PPARGC1A: variants seen among roughly 807,000 people sequenced by gnomAD.
The protein encoded by PPARGC1A is PPARG coactivator 1 alpha, also known as peroxisome proliferator-activated receptor gamma coactivator 1-alpha.
PPARGC1A carries 25 observed loss-of-function variants against 88.7 expected under a neutral mutation model. The observed-to-expected ratio is 0.28, with a 90% CI of 0.21 to 0.39. PPARGC1A has a LOEUF of 0.39. Ranked by LOEUF, PPARGC1A falls within the 10% of genes least tolerant of loss-of-function variation. PPARGC1A has a pLI of 1.00. For synonymous variants in PPARGC1A, 363 were observed against 355.6 expected, an observed-to-expected ratio of 1.02 and a Z score of -0.24; for missense variants, 880 against 968.7, an observed-to-expected ratio of 0.91 and a Z score of 1.22.
the PPARGC1A span, among the ~76,000 whole-genome samples, chr4:24,178,033 G>A: frequency 3.9e-5 from 6 of 152,148 alleles, no homozygotes; most frequent in African/African-American, 4.8e-5. Flanking sequence ...TGCTTAAATC[G>A]CCTCCACAGG....
the PPARGC1A span, among the ~76,000 whole-genome samples, chr4:24,185,451 C>T: frequency 6.6e-6 from 1 of 152,078 alleles, no homozygotes; most frequent in African/African-American, 2.4e-5. Context: ...TAGAAATGCT[C>T]ATCTATAAAA....
the PPARGC1A span, among the ~76,000 whole-genome samples, chr4:24,266,035 CT>C: frequency 6.6e-6 from 1 of 152,174 alleles, no homozygotes; most frequent in South Asian, 2.1e-4. Flanking sequence ...CGTAAAAAGG[CT>C]TTGTACAAGG....
chr4:24,327,665 G>C, the PPARGC1A span, among the ~76,000 whole-genome samples: 73,383 of 150,776 alleles, frequency 0.49, 19,187 homozygotes, highest in Admixed American at 0.65. Context: ...AGCTTAATCT[G>C]TCCCACTCTA....
At chr4:24,317,280 C>T in the PPARGC1A span, among the ~76,000 whole-genome samples, 5 of 152,070 alleles carry the variant, frequency 3.3e-5, no homozygotes, top group Admixed American at 2.0e-4. Flanking sequence ...CCTAGGCAGA[C>T]ATTGATTGAG....
At chr4:24,187,174 C>T in the PPARGC1A span, among the ~76,000 whole-genome samples, 4 of 152,182 alleles carry the variant, frequency 2.6e-5, no homozygotes, top group African/African-American at 7.2e-5. Context: ...ATGATGATGG[C>T]GGCAGTGGTA....
chr4:24,247,654 C>G, the PPARGC1A span, among the ~76,000 whole-genome samples: 1 of 152,132 alleles, frequency 6.6e-6, no homozygotes, highest in South Asian at 2.1e-4. Context: ...GAAACACACT[C>G]GAGGTAGTTG....
At chr4:23,936,893 G>T in the PPARGC1A span, among the ~76,000 whole-genome samples, 1 of 151,972 alleles carries the variant, frequency 6.6e-6, no homozygotes, top group Non-Finnish European at 1.5e-5. Flanking sequence ...GCCTAATCAT[G>T]TGAAAACAAG....
chr4:24,066,744 G>A, the PPARGC1A span, among the ~76,000 whole-genome samples: 29 of 151,796 alleles, frequency 1.9e-4, no homozygotes, highest in Admixed American at 5.2e-4. Context: ...CTCGGGGAGT[G>A]ATTTGCAACC....
chr4:23,962,322 G>C, the PPARGC1A span, among the ~76,000 whole-genome samples: 1 of 152,086 alleles, frequency 6.6e-6, no homozygotes, highest in Non-Finnish European at 1.5e-5. Flanking sequence ...GATCACATTT[G>C]GACCACAGGG....
the PPARGC1A span, among the ~76,000 whole-genome samples, chr4:23,910,357 TTATATATATTATATTATATTATA>T: frequency 9.9e-6 from 1 of 101,504 alleles, no homozygotes; most frequent in African/African-American, 4.3e-5. Flanking sequence ...ATTATATATA[TTATATATATTATATTATATTATA>T]TATATTATAT....
chr4:23,991,255 A>T, the PPARGC1A span, among the ~76,000 whole-genome samples: 3 of 152,100 alleles, frequency 2.0e-5, no homozygotes, highest in Non-Finnish European at 4.4e-5. Flanking sequence ...GTAAAAGTCC[A>T]ATGAAAGTTC....
the PPARGC1A span, among the ~76,000 whole-genome samples, chr4:24,222,622 G>A: frequency 1.3e-5 from 2 of 152,116 alleles, no homozygotes; most frequent in South Asian, 2.1e-4. Flanking sequence ...AAAAGTCCAA[G>A]GTTATACTGT....
Position 23,795,788 on chromosome 4 carries a change from G to A in PPARGC1A, c.*34C>T, listed in dbSNP as rs368490235. ...GGACGCGCTGTCCCATGAGGTATTC[G>A]CCATCCCTCTGTCATCCTCAGCTAG... is the stretch of plus-strand genomic sequence containing the variant. On this transcript the variant is annotated 3_prime_UTR_variant, in exon 13 of 13. Transcript: ENST00000264867. The A allele has an allele frequency of 2.7e-5, 41 of 1,499,846 alleles. No homozygotes were observed. Among genetic ancestry groups the A allele is most frequent in the South Asian group, 2.1e-4 (18 of 85,930 alleles). 92.9% of individuals were successfully genotyped at this position (1,499,846 alleles called of 1,614,324 possible). A position where few individuals can be genotyped will look rare whatever the true frequency, so the allele number is the denominator to read the frequency against.
At chr4:24,249,476 G>A in the PPARGC1A span, among the ~76,000 whole-genome samples, 3 of 152,142 alleles carry the variant, frequency 2.0e-5, no homozygotes, top group Non-Finnish European at 4.4e-5. Context: ...CTCCAAAAGC[G>A]GCTTCCGTTC....
chr4:23,968,934 A>G, the PPARGC1A span, among the ~76,000 whole-genome samples: 25 of 152,174 alleles, frequency 1.6e-4, no homozygotes, highest in African/African-American at 5.8e-4. Context: ...AAACAAAACA[A>G]AACAAAAAAA....
At chr4:24,033,431 A>ACACACG in the PPARGC1A span, among the ~76,000 whole-genome samples, 3 of 151,498 alleles carry the variant, frequency 2.0e-5, no homozygotes, top group Non-Finnish European at 4.4e-5. Flanking sequence ...ACACACACAC[A>ACACACG]CGCATCCACG....
the PPARGC1A span, among the ~76,000 whole-genome samples, chr4:24,370,749 C>CTTTTTTTTTTTTTTTT: frequency 1.6e-5 from 1 of 62,868 alleles, no homozygotes; most frequent in African/African-American, 7.5e-5. Context: ...CTGTCTCTCT[C>CTTTTTTTTTTTTTTTT]TTTTTTTTTT....
chr4:23,853,086 T>G (rs1378231932), intron 2 of PPARGC1A, among the ~76,000 whole-genome samples: 1 of 152,220 alleles, frequency 6.6e-6, no homozygotes. Flanking sequence ...AAGAATTTTT[T>G]TAATTAAGCA....
chr4:23,933,832 G>A, the PPARGC1A span, among the ~76,000 whole-genome samples: 3 of 152,184 alleles, frequency 2.0e-5, no homozygotes, highest in Admixed American at 6.5e-5. Flanking sequence ...CCACTCATCC[G>A]CCCAAGTGGG....
Sources: gnomAD v4.1 joint callset for allele counts (sites outside exome capture counted in the v4.1 genomes callset) on GRCh38, gnomAD v4.1.1 for gene constraint, MANE v1.5 for transcripts, NCBI Gene and HGNC (gene_info 2026-07-23, HGNC 2026-07-21) for gene names.